SZRD1: variants seen among roughly 807,000 people sequenced by gnomAD.
SZRD1 encodes the protein SUZ RNA binding domain containing 1.
In SZRD1, 7 loss-of-function variants were observed where a neutral mutation model predicts 17.6. That is an observed-to-expected ratio of 0.40 (90% CI 0.23 to 0.75). SZRD1 has a LOEUF of 0.75. Ranked by LOEUF, SZRD1 falls within the 30% of genes least tolerant of loss-of-function variation. The probability of loss-of-function intolerance (pLI) is 0.38; values close to 1 mark genes in which losing one functional copy is unlikely to be tolerated. For synonymous variants in SZRD1, 77 were observed against 77.9 expected, an observed-to-expected ratio of 0.99 and a Z score of 0.06; for missense variants, 178 against 201.8, an observed-to-expected ratio of 0.88 and a Z score of 0.71.
chr1:16,373,850 G>A (rs1269275210), intron 1 of SZRD1, among the ~76,000 whole-genome samples: 2 of 152,086 alleles, frequency 1.3e-5, no homozygotes, highest in Non-Finnish European at 2.9e-5. Flanking sequence ...TGATCCTCCC[G>A]TTTCAGCCTC....
chr1:16,394,049 C>T (rs762814964), intron 3 of SZRD1, among the ~76,000 whole-genome samples: 1 of 152,022 alleles, frequency 6.6e-6, no homozygotes, highest in Non-Finnish European at 1.5e-5. Context: ...ACATTTTTTT[C>T]TCTGCAGTAT....
intron 1 of SZRD1, among the ~76,000 whole-genome samples, chr1:16,379,604 G>A (rs1251098386): frequency 6.6e-6 from 1 of 152,136 alleles, no homozygotes; most frequent in Non-Finnish European, 1.5e-5. Context: ...AATATGGATA[G>A]TGTCATTTGT....
chr1:16,383,439 T>C (rs1231203773), intron 1 of SZRD1, among the ~76,000 whole-genome samples: 1 of 151,628 alleles, frequency 6.6e-6, no homozygotes. Flanking sequence ...AGGCTGGTCT[T>C]GAACTCCTGG....
At position 16,393,617 on chromosome 1, in the gene SZRD1, T is replaced by A; in HGVS notation, c.356+135T>A. 1 of 977,250 alleles carries A rather than the reference T, an allele frequency of 1.0e-6. No homozygotes were observed. Among genetic ancestry groups the A allele is most frequent in the Non-Finnish European group, 1.5e-6 (1 of 672,522 alleles). 60.5% of individuals were successfully genotyped at this position (977,250 alleles called of 1,614,324 possible). On this transcript the variant is annotated intron_variant, in intron 3 of 3. Transcript: ENST00000401088. The surrounding 1 kb of genome is among the most constrained non-coding windows in gnomAD (Gnocchi z 5.6). ...GGAACCATGCAGCTCCACTTGCTGA[T>A]CCCAGCCTGCTGGCACTAGTTCACT...
At chr1:16,382,650 A>C (rs573640327) in intron 1 of SZRD1, among the ~76,000 whole-genome samples, 1 of 150,516 alleles carries the variant, frequency 6.6e-6, no homozygotes, top group East Asian at 2.0e-4. Flanking sequence ...ATGCGCCATC[A>C]CACCTGGCTA....
intron 1 of SZRD1, 99 bp downstream of exon 1, chr1:16,367,407 G>A: frequency 1.7e-6 from 2 of 1,190,476 alleles, no homozygotes; most frequent in Admixed American, 2.5e-5. Context: ...CCAAGGAAGG[G>A]CCCCATACGC....
intron 1 of SZRD1, among the ~76,000 whole-genome samples, chr1:16,379,093 C>T (rs185448746): frequency 2.0e-5 from 3 of 151,868 alleles, no homozygotes; most frequent in Non-Finnish European, 1.5e-5. Context: ...ATTTTTGCTT[C>T]CCCTTCTTGA....
At chr1:16,375,148 T>C (rs573363713) in intron 1 of SZRD1, among the ~76,000 whole-genome samples, 25 of 152,274 alleles carry the variant, frequency 1.6e-4, no homozygotes, top group African/African-American at 5.3e-4. Context: ...AATGCTGGGA[T>C]TACAAGCGTG....
chr1:16,371,696 C>T lies in SZRD1; in HGVS notation c.51+4388C>T, dbSNP rs772404129. On this transcript the variant is annotated intron_variant, in intron 1 of 3. Coordinates refer to ENST00000401088, the MANE Select transcript of SZRD1 (RefSeq NM_001114600.3). ...CAGGATGGTCTCGATCTCCTGACCTCGTGATCCGCCCGCCTCGGCCTCCCA... is the reference window on the plus strand; with the variant it reads ...CAGGATGGTCTCGATCTCCTGACCTTGTGATCCGCCCGCCTCGGCCTCCCA... 3.3e-5 allele frequency among the ~76,000 whole-genome samples: 5 copies of T among 151,724 alleles called. No homozygotes were observed. In the South Asian group the frequency reaches 6.2e-4, roughly 19 times the overall value.
chr1:16,386,947 A>G, intron 1 of SZRD1: 1 of 198,908 alleles, frequency 5.0e-6, no homozygotes, highest in East Asian at 1.5e-4. Flanking sequence ...AGGGGCCTCA[A>G]AAGGCGAATT....
rs759310066 is a variant in SZRD1, at chr1:16,395,243, A to G, written c.*103A>G. 15 of 818,852 alleles carry G rather than the reference A, an allele frequency of 1.8e-5. No individual in the cohort carries two copies. In the African/African-American group the frequency reaches 2.4e-4, roughly 13 times the overall value. The allele number at this position is 818,852 out of a possible 1,614,324, so 50.7% of individuals were successfully genotyped here. A position where few individuals can be genotyped will look rare whatever the true frequency, so the allele number is the denominator to read the frequency against. On this transcript the variant is annotated 3_prime_UTR_variant, in exon 4 of 4. Coordinates refer to ENST00000401088, the MANE Select transcript of SZRD1 (RefSeq NM_001114600.3). ...CAGACAGCTGGACTTGAGCAGAGGG[A>G]ACGACCTGACTTACTTGCACTGTGA...
intron 1 of SZRD1, among the ~76,000 whole-genome samples, chr1:16,378,909 T>G (rs916600051): frequency 3.4e-5 from 5 of 147,076 alleles, no homozygotes; most frequent in Non-Finnish European, 7.5e-5. Context: ...GTATTTTTGG[T>G]GGAGAGGAGG....
intron 1 of SZRD1, among the ~76,000 whole-genome samples, 198 bp downstream of exon 1, chr1:16,367,506 G>T (rs1167566218): frequency 6.6e-6 from 1 of 152,216 alleles, no homozygotes; most frequent in Non-Finnish European, 1.5e-5. Context: ...CCTTTCCTTT[G>T]CCTGGTGCGC....
chr1:16,395,138 T>C lies in SZRD1; in HGVS notation c.457T>C (p.Ter153GlnextTer58). 1 of 1,609,744 alleles carries C rather than the reference T, an allele frequency of 6.2e-7. No individual in the cohort carries two copies. Among genetic ancestry groups the C allele is most frequent in the Non-Finnish European group, 8.5e-7 (1 of 1,175,964 alleles). The change falls in exon 4 of 4, where the codon TAA (stop) becomes CAA (glutamine). Residue 153 changes from the stop codon to glutamine (Q), a stop_lost. Coordinates refer to ENST00000401088, the MANE Select transcript of SZRD1 (RefSeq NM_001114600.3). ...GTCTCAAGGCTTCAAACAGCGCAGA[T>C]AAATGCAGGCAAGAAAAGATGCCGC... ...DGSQGFKQRR[*>Q]
chr1:16,388,352 G>A (rs2085162837), intron 1 of SZRD1, among the ~76,000 whole-genome samples: 2 of 151,964 alleles, frequency 1.3e-5, no homozygotes, highest in African/African-American at 2.4e-5. Flanking sequence ...CACCCACCTC[G>A]GCCTCCCAAA....
intron 3 of SZRD1, among the ~76,000 whole-genome samples, chr1:16,394,352 T>G (rs1416162567): frequency 6.6e-6 from 1 of 152,186 alleles, no homozygotes; most frequent in Admixed American, 6.5e-5. Context: ...GATGTGTCCC[T>G]CTGCTGAGCT....
chr1:16,393,249 C>T lies in SZRD1; in HGVS notation c.123C>T (p.Pro41=). The T allele has an allele frequency of 6.2e-7, 1 of 1,614,112 alleles. No individual in the cohort carries two copies. Among genetic ancestry groups the T allele is most frequent in the East Asian group, 2.2e-5 (1 of 44,880 alleles). ...TCAGCAGGAAATCCAAATCTCCTCC[C>T]AAAGTGCCCATTGTGATTCAGGACG... The part of the protein sequence containing the change: ...QKESRKSKSP[P]KVPIVIQDDS... The change falls in exon 3 of 4, where the codon CCC becomes CCT. Residue 41 remains proline, a synonymous_variant. Coordinates refer to ENST00000401088, the MANE Select transcript of SZRD1 (RefSeq NM_001114600.3). This position sits in a 1 kb window ranked among gnomAD's most constrained non-coding sequence, Gnocchi z 5.6.
chr1:16,380,902 C>G (rs2083089379), intron 1 of SZRD1, among the ~76,000 whole-genome samples: 1 of 151,592 alleles, frequency 6.6e-6, no homozygotes, highest in South Asian at 2.1e-4. Context: ...CCACTGCACC[C>G]AGCCCCTCAT....
chr1:16,388,395 C>T (rs2085163677), intron 1 of SZRD1, among the ~76,000 whole-genome samples: 1 of 148,228 alleles, frequency 6.7e-6, no homozygotes, highest in Non-Finnish European at 1.5e-5. Context: ...CGTGAGCTAC[C>T]ATGCCCAGCC....
Sources: gnomAD v4.1 joint callset for allele counts (sites outside exome capture counted in the v4.1 genomes callset) on GRCh38, gnomAD v4.1.1 for gene constraint, Gnocchi (gnomAD v3.1) non-coding constraint, MANE v1.5 for transcripts, NCBI Gene and HGNC (gene_info 2026-07-23, HGNC 2026-07-21) for gene names.